Variants in LRRC38 observed in about 807,000 individuals in gnomAD.
LRRC38 encodes leucine-rich repeat-containing protein 38.
LRRC38 carries 5 observed loss-of-function variants against 16.4 expected under a neutral mutation model. The ratio of observed to expected loss-of-function variants is 0.31; its 90% CI spans 0.16 to 0.64. The LOEUF is 0.64. LRRC38 is among the 30% of genes least tolerant of loss of function. The pLI, the probability that LRRC38 is intolerant of heterozygous loss-of-function variation, is 0.80. For missense variants in LRRC38, 341 were observed against 401.8 expected, an observed-to-expected ratio of 0.85 and a Z score of 1.29; for synonymous variants, 191 against 190.2, an observed-to-expected ratio of 1.00 and a Z score of -0.04.
At chr1:13,477,683 T>A (rs997591788) in intron 1 of LRRC38, among the ~76,000 whole-genome samples, 2 of 151,950 alleles carry the variant, frequency 1.3e-5, no homozygotes, top group Admixed American at 6.6e-5. Context: ...ACAAAATTTT[T>A]AAAAATTAGC....
rs1304375371 is a variant in LRRC38 at position 13,484,382 on chromosome 1, CGTTTT to C, written c.632-8288_632-8284del. On this transcript the variant is annotated intron_variant, in intron 1 of 1. Coordinates refer to ENST00000376085, the MANE Select transcript of LRRC38 (RefSeq NM_001010847.2). ...CCCATGTCGGCTATGTGAGGTCCAG[CGTTTT>C]GTTTTGTTACCTGCTGTATTCCTAG... is the stretch of plus-strand genomic sequence containing the variant. 3.9e-5 allele frequency among the ~76,000 whole-genome samples: 6 copies of C among 152,156 alleles called. No homozygotes were observed. The East Asian group carries it at 9.7e-4, about 25-fold the overall frequency.
chr1:13,480,533 G>A (rs1393444693), intron 1 of LRRC38, among the ~76,000 whole-genome samples: 1 of 152,146 alleles, frequency 6.6e-6, no homozygotes, highest in Non-Finnish European at 1.5e-5. Context: ...GTTTGGCTGT[G>A]TCCTCACCCA....
intron 1 of LRRC38, 108 bp from the exon 2 acceptor site, chr1:13,476,207 C>T (rs1638787316): frequency 2.2e-6 from 2 of 911,074 alleles, no homozygotes; most frequent in Non-Finnish European, 3.1e-6. Context: ...AGCATCCTCC[C>T]AAAAATAAAA....
intron 1 of LRRC38, among the ~76,000 whole-genome samples, chr1:13,503,268 T>TTATA (rs1245965116): frequency 7.3e-6 from 1 of 137,924 alleles, no homozygotes; most frequent in African/African-American, 3.6e-5. Flanking sequence ...TATTTTGTTT[T>TTATA]TATTTATTTA....
At chr1:13,512,558 T>G (rs1639284932) in intron 1 of LRRC38, among the ~76,000 whole-genome samples, 1 of 152,096 alleles carries the variant, frequency 6.6e-6, no homozygotes. Flanking sequence ...CCCTTGGAAC[T>G]GGCTGACTCC....
chr1:13,483,382 C>G (rs568769633), intron 1 of LRRC38, among the ~76,000 whole-genome samples: 1 of 152,180 alleles, frequency 6.6e-6, no homozygotes, highest in Admixed American at 6.5e-5. Context: ...CTCCAGACCT[C>G]AGGTGATCCA....
rs577899225 is a variant in LRRC38 at position 13,476,077 on chromosome 1, G to C, written c.654C>G (p.Ser218=). The part of the protein sequence containing the change: ...LPKGLDEIQC[S]LPMESRRISL... The stretch of plus-strand genomic sequence containing the variant: ...ATATCCTCCTGCTCTCCATGGGCAG[G>C]GAGCACTGGATTTCATCAAGGCCTG... The change falls in exon 2 of 2, where the codon TCC becomes TCG. Residue 218 remains serine, a synonymous_variant. Transcript: ENST00000376085. The C allele has an allele frequency of 2.1e-4, 325 of 1,550,442 alleles. No individual in the cohort carries two copies. The highest frequency in any genetic ancestry group is 2.7e-4 in the Non-Finnish European group (315 of 1,146,992).
intron 1 of LRRC38, among the ~76,000 whole-genome samples, chr1:13,480,646 GTC>G (rs1474629379): frequency 1.3e-5 from 2 of 151,850 alleles, no homozygotes; most frequent in African/African-American, 4.9e-5. Flanking sequence ...TTGTGAATAA[GTC>G]TCACTACCAT....
At chr1:13,479,788 G>C (rs528176047) in intron 1 of LRRC38, among the ~76,000 whole-genome samples, 23 of 151,138 alleles carry the variant, frequency 1.5e-4, no homozygotes, top group Non-Finnish European at 3.2e-4. Flanking sequence ...AAGGCTGAGG[G>C]TATTGCTACA....
Position 13,488,629 on chromosome 1 carries a change from G to C in LRRC38, c.632-12530C>G, listed in dbSNP as rs567638694. On this transcript the variant is annotated intron_variant, in intron 1 of 1. Coordinates refer to ENST00000376085, the MANE Select transcript of LRRC38 (RefSeq NM_001010847.2). ...CCCACAAGTTGAAGGTTGTGGGTGA[G>C]TCCTTGAACTTGCGCCAACACTGGA... is the stretch of plus-strand genomic sequence containing the variant. Among the ~76,000 whole-genome samples the C allele has an allele frequency of 2.0e-5, 3 of 152,162 alleles. No homozygotes were observed. The East Asian group carries it at 5.8e-4, about 29-fold the overall frequency.
chr1:13,475,971 AGAAAAT>A lies in LRRC38; in HGVS notation c.754_759del (p.Ile252_Phe253del). 1 of 1,550,584 alleles carries A rather than the reference AGAAAAT, an allele frequency of 6.4e-7. No homozygotes were observed. ...GCCGCAATGGACACGGCCACACCGG[AGAAAAT>A]GATGATGCAGAGGTCTGTGAGTGAC... is the stretch of plus-strand genomic sequence containing the variant. On this transcript the variant is annotated inframe_deletion, in exon 2 of 2. Transcript: ENST00000376085. This position sits in a 1 kb window ranked among gnomAD's most constrained non-coding sequence, Gnocchi z 4.3.
intron 1 of LRRC38, 42 bp downstream of exon 1, chr1:13,512,921 G>GCCCCCCAACC: frequency 8.0e-7 from 1 of 1,246,166 alleles, no homozygotes; most frequent in Non-Finnish European, 1.1e-6. Flanking sequence ...GCCTCTCCCT[G>GCCCCCCAACC]CCCCCCTCCC....
chr1:13,505,708 G>A (rs1036376581), intron 1 of LRRC38, among the ~76,000 whole-genome samples: 4 of 152,216 alleles, frequency 2.6e-5, no homozygotes, highest in Non-Finnish European at 5.9e-5. Flanking sequence ...GAGTGATGGG[G>A]TAGGGGTGGG....
chr1:13,483,741 T>A (rs1246778350), intron 1 of LRRC38, among the ~76,000 whole-genome samples: 2 of 152,046 alleles, frequency 1.3e-5, no homozygotes, highest in Non-Finnish European at 2.9e-5. Flanking sequence ...ACTGTGAACA[T>A]GAAATAAGGG....
At chr1:13,488,022 TTGTGTGTGTTTGTG>T (rs1269956929) in intron 1 of LRRC38, among the ~76,000 whole-genome samples, 1 of 95,792 alleles carries the variant, frequency 1.0e-5, no homozygotes, top group African/African-American at 4.1e-5. Context: ...CTTTTCTAGA[TTGTGTGTGTTTGTG>T]TGTGTGTGTG....
intron 1 of LRRC38, among the ~76,000 whole-genome samples, chr1:13,485,041 G>A (rs961385765): frequency 2.6e-5 from 4 of 152,024 alleles, no homozygotes; most frequent in Admixed American, 1.3e-4. Flanking sequence ...ACTTTGGGAG[G>A]CTGAGGCAGG....
chr1:13,505,693 A>C (rs1426677104), intron 1 of LRRC38, among the ~76,000 whole-genome samples: 1 of 152,160 alleles, frequency 6.6e-6, no homozygotes, highest in East Asian at 1.9e-4. Context: ...AGAAGATGTG[A>C]CCAAGAGTGA....
intron 1 of LRRC38, 91 bp downstream of exon 1, chr1:13,512,871 CA>C: frequency 7.3e-7 from 1 of 1,365,462 alleles, no homozygotes; most frequent in Non-Finnish European, 9.7e-7. Flanking sequence ...CTTCCAAACT[CA>C]ACCCACGGCT....
chr1:13,512,512 G>A (rs766270632), intron 1 of LRRC38, among the ~76,000 whole-genome samples: 15 of 152,168 alleles, frequency 9.9e-5, no homozygotes, highest in Non-Finnish European at 1.9e-4. Context: ...CTGAGAAGCT[G>A]AGAGGCCAGG....
Sources: gnomAD v4.1 joint callset for allele counts (sites outside exome capture counted in the v4.1 genomes callset) on GRCh38, gnomAD v4.1.1 for gene constraint, Gnocchi (gnomAD v3.1) non-coding constraint, MANE v1.5 for transcripts, NCBI Gene and HGNC (gene_info 2026-07-23, HGNC 2026-07-21) for gene names.